The following C1QTNF3 variants were observed in gnomAD, a reference collection of about 807,000 sequenced individuals.
The protein encoded by C1QTNF3 is complement C1q tumor necrosis factor-related protein 3.
C1QTNF3 carries 26 observed loss-of-function variants against 32.6 expected under a neutral mutation model. That is an observed-to-expected ratio of 0.80 (90% CI 0.58 to 1.11). C1QTNF3 has a LOEUF of 1.11. Ranked by LOEUF, C1QTNF3 falls within the 50% of genes least tolerant of loss-of-function variation. The pLI is 0.00. For missense variants in C1QTNF3, 362 were observed against 398.2 expected, an observed-to-expected ratio of 0.91 and a Z score of 0.77; for synonymous variants, 155 against 146.0, an observed-to-expected ratio of 1.06 and a Z score of -0.44.
chr5:34,026,561 C>A (rs567282546), intron 4 of C1QTNF3, among the ~76,000 whole-genome samples: 1 of 151,512 alleles, frequency 6.6e-6, no homozygotes, highest in Non-Finnish European at 1.5e-5. Flanking sequence ...CTTTCATGGA[C>A]CCGGTGCAGT....
the C1QTNF3 span, among the ~76,000 whole-genome samples, chr5:34,212,212 T>C: frequency 3.4e-4 from 52 of 151,628 alleles, no homozygotes; most frequent in East Asian, 9.2e-3. Flanking sequence ...TGGAGAAAGC[T>C]GAAACTGGAT....
chr5:34,213,809 A>ATATATATATTT, the C1QTNF3 span, among the ~76,000 whole-genome samples: 2 of 4,942 alleles, frequency 4.0e-4, no homozygotes, highest in Non-Finnish European at 1.0e-3. Flanking sequence ...ATATATATAT[A>ATATATATATTT]TTTTTTTTTT....
chr5:34,241,739 C>T, the C1QTNF3 span, among the ~76,000 whole-genome samples: 1 of 151,424 alleles, frequency 6.6e-6, no homozygotes, highest in Non-Finnish European at 1.5e-5. Context: ...CTCATCTATA[C>T]AAATTTTTTT....
the C1QTNF3 span, among the ~76,000 whole-genome samples, chr5:34,140,536 C>T: frequency 0.023 from 3,543 of 152,236 alleles, 143 homozygotes; most frequent in African/African-American, 0.081. Context: ...AGAAATAAGT[C>T]AGACAACTAG....
At chr5:34,242,402 C>T in the C1QTNF3 span, among the ~76,000 whole-genome samples, 2 of 152,112 alleles carry the variant, frequency 1.3e-5, no homozygotes, top group African/African-American at 4.8e-5. Flanking sequence ...CAAAAACAAA[C>T]AATGGGGAAA....
At chr5:34,200,545 T>C in the C1QTNF3 span, 2 of 152,108 alleles carry the variant, frequency 1.3e-5, no homozygotes, top group Non-Finnish European at 2.9e-5. Context: ...CCCCCAGCAA[T>C]TCCACCGATT....
At chr5:34,217,912 G>C in the C1QTNF3 span, among the ~76,000 whole-genome samples, 1 of 152,144 alleles carries the variant, frequency 6.6e-6, no homozygotes, top group East Asian at 1.9e-4. Flanking sequence ...TCCTCTAACA[G>C]TGACCAAATG....
the C1QTNF3 span, among the ~76,000 whole-genome samples, chr5:34,068,678 T>C: frequency 2.6e-5 from 4 of 152,208 alleles, no homozygotes; most frequent in South Asian, 4.1e-4. Flanking sequence ...TATGACCATG[T>C]TGTATTTGTT....
the C1QTNF3 span, among the ~76,000 whole-genome samples, chr5:34,203,860 AG>A: frequency 6.6e-6 from 1 of 152,072 alleles, no homozygotes; most frequent in Non-Finnish European, 1.5e-5. Flanking sequence ...AAAAGCAAGC[AG>A]GAATAGCTAT....
chr5:34,043,227 G>A, upstream of C1QTNF3: 2 of 1,282,436 alleles, frequency 1.6e-6, no homozygotes, highest in Admixed American at 4.5e-5. Flanking sequence ...AGCTGCAGCG[G>A]CGGAGTGGTT....
the C1QTNF3 span, among the ~76,000 whole-genome samples, chr5:34,182,518 T>TAAATAAAA: frequency 7.7e-6 from 1 of 129,192 alleles, no homozygotes; most frequent in African/African-American, 3.5e-5. Context: ...AATAAATAAA[T>TAAATAAAA]AAAAAATCTG....
At chr5:34,110,903 ATTT>A in the C1QTNF3 span, among the ~76,000 whole-genome samples, 2 of 151,794 alleles carry the variant, frequency 1.3e-5, no homozygotes, top group African/African-American at 2.4e-5. Context: ...TAAATATTTG[ATTT>A]CTTTAGTAAA....
At chr5:34,072,405 G>GAA in the C1QTNF3 span, among the ~76,000 whole-genome samples, 2 of 151,660 alleles carry the variant, frequency 1.3e-5, no homozygotes, top group African/African-American at 4.8e-5. Flanking sequence ...AAGAAAGAAA[G>GAA]AAAGAAAGAA....
the C1QTNF3 span, among the ~76,000 whole-genome samples, chr5:34,154,236 C>A: frequency 3.3e-5 from 5 of 152,032 alleles, no homozygotes; most frequent in Admixed American, 2.0e-4. Flanking sequence ...GAAAGTATAA[C>A]GAGTTTTTTT....
the C1QTNF3 span, among the ~76,000 whole-genome samples, chr5:34,096,882 C>G: frequency 6.7e-6 from 1 of 149,984 alleles, no homozygotes; most frequent in African/African-American, 2.4e-5. Context: ...TCTTTGGATG[C>G]AAATCTTGAA....
chr5:34,136,932 G>T, the C1QTNF3 span, among the ~76,000 whole-genome samples: 2 of 152,024 alleles, frequency 1.3e-5, no homozygotes, highest in African/African-American at 4.8e-5. Context: ...TCTCTCATAG[G>T]TGGGAATTGA....
chr5:34,144,529 T>A, the C1QTNF3 span, among the ~76,000 whole-genome samples: 1 of 152,166 alleles, frequency 6.6e-6, no homozygotes, highest in Admixed American at 6.5e-5. Context: ...ACATGGTCAG[T>A]CATAAAGTAA....
the C1QTNF3 span, chr5:34,219,839 C>T: frequency 1.3e-5 from 2 of 152,010 alleles, no homozygotes; most frequent in Non-Finnish European, 2.9e-5. Context: ...TAAATGGCTA[C>T]TGAATACCTG....
the C1QTNF3 span, chr5:34,244,506 T>C: frequency 6.6e-6 from 1 of 152,138 alleles, no homozygotes; most frequent in Non-Finnish European, 1.5e-5. Context: ...ATGGGTTCAT[T>C]TTACAGAGAG....
Sources: allele counts gnomAD v4.1 joint callset (sites outside exome capture counted in the v4.1 genomes callset), GRCh38; gene constraint gnomAD v4.1.1; transcripts MANE v1.5; gene names NCBI Gene and HGNC (gene_info 2026-07-23, HGNC 2026-07-21).